The following PCSK5 variants were observed in gnomAD, a reference collection of about 807,000 sequenced individuals.
PCSK5 encodes proprotein convertase subtilisin/kexin type 5, also known as prohormone convertase 5.
PCSK5 carries 129 observed loss-of-function variants against 233.2 expected under a neutral mutation model. That is an observed-to-expected ratio of 0.55 (90% CI 0.48 to 0.64). PCSK5 has a LOEUF of 0.64. PCSK5 is among the 30% of genes least tolerant of loss of function. The probability of loss-of-function intolerance (pLI) is 0.00; values close to 1 mark genes in which losing one functional copy is unlikely to be tolerated. For missense variants in PCSK5, 2,076 were observed against 2,430.1 expected, an observed-to-expected ratio of 0.85 and a Z score of 3.06; for synonymous variants, 825 against 879.2, an observed-to-expected ratio of 0.94 and a Z score of 1.09.
chr9:76,022,981 G>A (rs1302848200), intron 3 of PCSK5, among the ~76,000 whole-genome samples: 4 of 152,164 alleles, frequency 2.6e-5, no homozygotes, highest in Non-Finnish European at 5.9e-5. Flanking sequence ...GCACACATCT[G>A]GCTGCTGTAC....
intron 16 of PCSK5, among the ~76,000 whole-genome samples, chr9:76,182,897 T>C (rs117575365): frequency 1.3e-5 from 2 of 152,284 alleles, no homozygotes; most frequent in East Asian, 3.9e-4. Context: ...CTGAAGTGAA[T>C]ACTCTTGCTT....
chr9:76,193,607 AC>A lies in PCSK5; in HGVS notation c.2626+3863del, dbSNP rs1346085258. Reference sequence around the variant, plus strand: ...GGGTGTTTAGTGCTAAACAGCCAGAACCACAGAGACAGTATTGTATGACCAA... The same window carrying A: ...GGGTGTTTAGTGCTAAACAGCCAGAACACAGAGACAGTATTGTATGACCAA... On this transcript the variant is annotated intron_variant, in intron 20 of 37. Transcript: ENST00000674117. 50 of 367,682 alleles carry A rather than the reference AC, an allele frequency of 1.4e-4. No individual in the cohort carries two copies. In the South Asian group the frequency reaches 2.9e-3, roughly 21 times the overall value. 22.8% of individuals were successfully genotyped at this position (367,682 alleles called of 1,614,324 possible).
intron 1 of PCSK5, among the ~76,000 whole-genome samples, chr9:75,901,616 A>T (rs1451086568): frequency 6.9e-6 from 1 of 144,694 alleles, no homozygotes; most frequent in African/African-American, 2.6e-5. Context: ...CTGCACATAT[A>T]TCCCAGAACT....
chr9:75,922,285 A>C (rs1823290971), intron 1 of PCSK5, among the ~76,000 whole-genome samples: 1 of 152,216 alleles, frequency 6.6e-6, no homozygotes, highest in Admixed American at 6.5e-5. Context: ...ATTCTGCTAA[A>C]GTATTCTGAT....
intron 5 of PCSK5, among the ~76,000 whole-genome samples, chr9:76,049,727 C>T (rs1367018503): frequency 3.3e-5 from 5 of 152,140 alleles, no homozygotes; most frequent in African/African-American, 1.2e-4. Flanking sequence ...AATTGTCAAC[C>T]CTTACTCCCT....
chr9:76,252,117 C>A (rs1409605789), intron 24 of PCSK5, among the ~76,000 whole-genome samples: 2 of 151,568 alleles, frequency 1.3e-5, no homozygotes, highest in Non-Finnish European at 2.9e-5. Flanking sequence ...AATACAAAAA[C>A]TTAGCCGGGC....
chr9:76,250,012 T>G (rs1826749700), intron 24 of PCSK5, among the ~76,000 whole-genome samples: 1 of 152,118 alleles, frequency 6.6e-6, no homozygotes, highest in Admixed American at 6.5e-5. Context: ...TATTCCTCTT[T>G]TAAGAAAGTG....
intron 2 of PCSK5, among the ~76,000 whole-genome samples, chr9:75,946,343 T>C (rs901032334): frequency 1.3e-5 from 2 of 152,196 alleles, no homozygotes; most frequent in Admixed American, 6.5e-5. Context: ...TGGATTCTGG[T>C]CTCAGCTTTA....
At chr9:76,203,336 T>G (rs1284638499) in intron 20 of PCSK5, among the ~76,000 whole-genome samples, 1 of 152,044 alleles carries the variant, frequency 6.6e-6, no homozygotes, top group Non-Finnish European at 1.5e-5. Context: ...ACTTGCATTC[T>G]CATTCCCTGG....
At chr9:76,144,039 A>T (rs923573014) in intron 10 of PCSK5, among the ~76,000 whole-genome samples, 2 of 151,184 alleles carry the variant, frequency 1.3e-5, no homozygotes, top group African/African-American at 4.9e-5. Flanking sequence ...TGTGGTTAGC[A>T]TCTTGAGTTG....
At chr9:76,182,737 T>A (rs982686308) in intron 16 of PCSK5, among the ~76,000 whole-genome samples, 1 of 152,190 alleles carries the variant, frequency 6.6e-6, no homozygotes, top group Non-Finnish European at 1.5e-5. Flanking sequence ...CCTTTATTTC[T>A]GAGTTCTGGA....
At chr9:76,200,222 T>A (rs940536733) in intron 20 of PCSK5, among the ~76,000 whole-genome samples, 3 of 152,230 alleles carry the variant, frequency 2.0e-5, no homozygotes, top group African/African-American at 7.2e-5. Flanking sequence ...GAGATCTTTG[T>A]GCTGTCACCT....
At chr9:75,926,095 A>G (rs1352503773) in intron 1 of PCSK5, among the ~76,000 whole-genome samples, 1 of 152,176 alleles carries the variant, frequency 6.6e-6, no homozygotes, top group East Asian at 1.9e-4. Flanking sequence ...GCTCCACATC[A>G]TGGATTCTTT....
chr9:76,116,369 T>C (rs560407169), intron 9 of PCSK5, among the ~76,000 whole-genome samples: 1 of 152,132 alleles, frequency 6.6e-6, no homozygotes, highest in African/African-American at 2.4e-5. Context: ...CTGAACCTTA[T>C]TGAGTAAGCA....
intron 24 of PCSK5, among the ~76,000 whole-genome samples, chr9:76,285,273 A>C (rs573534146): frequency 3.2e-4 from 49 of 152,280 alleles, no homozygotes; most frequent in African/African-American, 1.1e-3. Flanking sequence ...CTGGGCCAAA[A>C]GGTTGAGATT....
intron 34 of PCSK5, among the ~76,000 whole-genome samples, chr9:76,336,128 C>A (rs776811716): frequency 6.6e-6 from 1 of 152,178 alleles, no homozygotes; most frequent in Non-Finnish European, 1.5e-5. Flanking sequence ...CAGATTGACA[C>A]ATAGTAGTCA....
intron 2 of PCSK5, among the ~76,000 whole-genome samples, chr9:75,972,925 A>G (rs1471719248): frequency 6.6e-6 from 1 of 152,124 alleles, no homozygotes. Context: ...CCCCTAACCT[A>G]TGCCATCAGC....
chr9:76,017,554 G>A (rs1828000316), intron 3 of PCSK5, among the ~76,000 whole-genome samples: 1 of 152,120 alleles, frequency 6.6e-6, no homozygotes, highest in African/African-American at 2.4e-5. Flanking sequence ...TCATACAGCT[G>A]GAAAGTAGCA....
intron 2 of PCSK5, among the ~76,000 whole-genome samples, chr9:75,948,484 G>T (rs1003744482): frequency 2.6e-5 from 4 of 152,002 alleles, no homozygotes; most frequent in Non-Finnish European, 4.4e-5. Context: ...CAAAGGACAT[G>T]AACTCATGTC....
Sources: gnomAD v4.1 joint callset for allele counts (sites outside exome capture counted in the v4.1 genomes callset) on GRCh38, gnomAD v4.1.1 for gene constraint, MANE v1.5 for transcripts, NCBI Gene and HGNC (gene_info 2026-07-23, HGNC 2026-07-21) for gene names.